Variants in MAP4K3 observed in about 807,000 individuals in gnomAD.
The protein encoded by MAP4K3 is mitogen-activated protein kinase kinase kinase kinase 3.
Under a neutral mutation model 143.5 loss-of-function variants are expected in MAP4K3, and 94 were observed. The ratio of observed to expected loss-of-function variants is 0.65; its 90% CI spans 0.55 to 0.78. The LOEUF (loss-of-function observed/expected upper bound fraction) is 0.78, where lower values mean the gene tolerates loss of function less well. MAP4K3 is among the 30% of genes least tolerant of loss of function. MAP4K3 has a pLI of 0.00. For missense variants in MAP4K3, 1,077 were observed against 1,068.1 expected (o/e 1.01, Z -0.12); for synonymous variants, 416 against 347.2 (o/e 1.20, Z -2.20).
intron 30 of MAP4K3, 32 bp downstream of exon 30, chr2:39,258,487 T>C: frequency 1.1e-5 from 17 of 1,597,774 alleles, no homozygotes; most frequent in South Asian, 2.2e-5. Context: ...AGAAGTCTTA[T>C]TAAAGTAAGA....
chr2:39,359,577 A>G (rs1479433303), intron 2 of MAP4K3, among the ~76,000 whole-genome samples: 2 of 152,242 alleles, frequency 1.3e-5, no homozygotes, highest in African/African-American at 2.4e-5. Context: ...CTCCAACCCC[A>G]TGTTTCCCTT....
intron 1 of MAP4K3, among the ~76,000 whole-genome samples, chr2:39,418,609 TTGCCGGTGATCAAAGTTAACAC>T (rs1190751022): frequency 6.6e-6 from 1 of 152,116 alleles, no homozygotes; most frequent in Non-Finnish European, 1.5e-5. Context: ...AAAGTTAACA[TTGCCGGTGATCAAAGTTAACAC>T]TGCCGGTGAT....
intron 2 of MAP4K3, among the ~76,000 whole-genome samples, chr2:39,377,201 C>CTTTTCTTTTTT (rs1666242007): frequency 9.0e-6 from 1 of 110,588 alleles, no homozygotes; most frequent in Non-Finnish European, 1.9e-5. Context: ...GCTATTTGGC[C>CTTTTCTTTTTT]TTTTTTTTTT....
In MAP4K3 at chr2:39,309,448, CTA is replaced by C. The variant is rs2148498846; in HGVS notation, c.1056+11_1056+12del. ...TATTTTCAGTGCTAACATTCTAAGG[CTA>C]TACTACTTACAAGTTCATGATGTGG... On this transcript the variant is annotated intron_variant, in intron 14 of 33. Coordinates refer to ENST00000263881, the MANE Select transcript of MAP4K3 (RefSeq NM_003618.4). 6.4e-7 allele frequency: 1 copy of C among 1,566,048 alleles called. No individual in the cohort carries two copies. The highest frequency in any genetic ancestry group is 8.7e-7 in the Non-Finnish European group (1 of 1,150,840).
chr2:39,417,683 G>T (rs1475470294), intron 1 of MAP4K3, among the ~76,000 whole-genome samples: 1 of 152,166 alleles, frequency 6.6e-6, no homozygotes, highest in Non-Finnish European at 1.5e-5. Flanking sequence ...TGTATACGTG[G>T]TTTAGCAATA....
intron 32 of MAP4K3, among the ~76,000 whole-genome samples, chr2:39,253,355 A>G (rs1391282960): frequency 6.6e-6 from 1 of 152,064 alleles, no homozygotes; most frequent in African/African-American, 2.4e-5. Flanking sequence ...GCTGGTTTTG[A>G]TCTCTTGACC....
chr2:39,325,888 A>C lies in MAP4K3; in HGVS notation c.725+11T>G. The C allele has an allele frequency of 6.4e-7, 1 of 1,573,062 alleles. No homozygotes were observed. Among genetic ancestry groups the C allele is most frequent in the Non-Finnish European group, 8.7e-7 (1 of 1,150,098 alleles). On this transcript the variant is annotated intron_variant, in intron 10 of 33. Coordinates refer to ENST00000263881, the MANE Select transcript of MAP4K3 (RefSeq NM_003618.4). ...TCTCACCATAAAAGTAAATAACATA[A>C]AAATACTTACCATTTCATTTTATCC...
chr2:39,306,567 G>A (rs1682713348), intron 15 of MAP4K3, among the ~76,000 whole-genome samples: 1 of 152,066 alleles, frequency 6.6e-6, no homozygotes, highest in African/African-American at 2.4e-5. Context: ...TTTAACAATG[G>A]GGAACACATG....
chr2:39,293,083 A>G, intron 17 of MAP4K3, 147 bp downstream of exon 17: 1 of 722,334 alleles, frequency 1.4e-6, no homozygotes, highest in Non-Finnish European at 2.4e-6. Context: ...TACCACTGCA[A>G]TCCAGCCTGG....
intron 1 of MAP4K3, among the ~76,000 whole-genome samples, chr2:39,388,199 T>C (rs571169793): frequency 1.3e-5 from 2 of 152,262 alleles, no homozygotes; most frequent in South Asian, 4.1e-4. Flanking sequence ...CTTTGCACTA[T>C]AGAAGCAATA....
rs148816700 is a variant in MAP4K3 at position 39,359,232 on chromosome 2, G to A, written c.155-2893C>T. 4.3e-3 allele frequency among the ~76,000 whole-genome samples: 659 copies of A among 152,146 alleles called. 6 individuals are homozygous for A. Among genetic ancestry groups the A allele is most frequent in the Middle Eastern group, 0.027 (8 of 294 alleles). On this transcript the variant is annotated intron_variant, in intron 2 of 33. Coordinates refer to ENST00000263881, the MANE Select transcript of MAP4K3 (RefSeq NM_003618.4). Reference sequence around the variant, plus strand: ...CCCTTGCAAGTCTGAAATCCAACAGGATAGTCATTAAATCTTAAAGTTTAA... The same window carrying A: ...CCCTTGCAAGTCTGAAATCCAACAGAATAGTCATTAAATCTTAAAGTTTAA...
chr2:39,279,715 T>G (rs1025118524), intron 23 of MAP4K3, among the ~76,000 whole-genome samples: 1 of 152,076 alleles, frequency 6.6e-6, no homozygotes, highest in African/African-American at 2.4e-5. Flanking sequence ...TTTGGGAGGC[T>G]GAGGCGACAA....
intron 1 of MAP4K3, among the ~76,000 whole-genome samples, chr2:39,395,940 T>C (rs781243282): frequency 3.3e-5 from 5 of 152,256 alleles, no homozygotes; most frequent in Non-Finnish European, 7.3e-5. Context: ...TTCAGGATGA[T>C]AGATACAGTA....
intron 15 of MAP4K3, among the ~76,000 whole-genome samples, chr2:39,302,034 ATAAAAAAAAT>A (rs1024798434): frequency 6.6e-6 from 1 of 152,034 alleles, no homozygotes; most frequent in Non-Finnish European, 1.5e-5. Flanking sequence ...AAAAATAATA[ATAAAAAAAAT>A]TAAAAAAAAA....
chr2:39,418,449 C>T (rs184031863), intron 1 of MAP4K3, among the ~76,000 whole-genome samples: 1 of 152,332 alleles, frequency 6.6e-6, no homozygotes, highest in Non-Finnish European at 1.5e-5. Context: ...TACGAAGCTA[C>T]TCCCTTCCTC....
chr2:39,281,577 A>C (rs73923842), intron 22 of MAP4K3, among the ~76,000 whole-genome samples: 6,895 of 152,128 alleles, frequency 0.045, 260 homozygotes, highest in African/African-American at 0.093. Context: ...AGAACAAAAC[A>C]ATCAAGCCAG....
intron 1 of MAP4K3, among the ~76,000 whole-genome samples, 193 bp from the exon 2 acceptor site, chr2:39,378,316 C>T (rs1322562505): frequency 6.6e-6 from 1 of 152,026 alleles, no homozygotes; most frequent in Non-Finnish European, 1.5e-5. Context: ...TTAATATTGG[C>T]AAAACTAATA....
chr2:39,281,797 A>G (rs1254950971), intron 22 of MAP4K3, among the ~76,000 whole-genome samples: 1 of 150,328 alleles, frequency 6.7e-6, no homozygotes, highest in East Asian at 1.9e-4. Flanking sequence ...ATTTTAAAAT[A>G]TTTATAATTT....
chr2:39,371,352 C>A (rs771800642), intron 2 of MAP4K3, among the ~76,000 whole-genome samples: 15 of 152,132 alleles, frequency 9.9e-5, no homozygotes, highest in Non-Finnish European at 2.2e-4. Context: ...AACAAAGTTA[C>A]GATGGATGTG....
Sources: allele counts gnomAD v4.1 joint callset (sites outside exome capture counted in the v4.1 genomes callset), GRCh38; gene constraint gnomAD v4.1.1; transcripts MANE v1.5; gene names NCBI Gene and HGNC (gene_info 2026-07-23, HGNC 2026-07-21).